VCP: variants seen among roughly 807,000 people sequenced by gnomAD.
VCP encodes the protein transitional endoplasmic reticulum ATPase.
VCP carries 6 observed loss-of-function variants against 85.7 expected under a neutral mutation model. That is an observed-to-expected ratio of 0.07 (90% CI 0.04 to 0.14). The LOEUF (loss-of-function observed/expected upper bound fraction) is 0.14. Ranked by LOEUF, VCP falls within the 10% of genes least tolerant of loss-of-function variation. The pLI is 1.00. For missense variants in VCP, 353 were observed against 1,043.4 expected, an observed-to-expected ratio of 0.34 and a Z score of 9.12; for synonymous variants, 384 against 367.1, an observed-to-expected ratio of 1.05 and a Z score of -0.53.
At chr9:35,071,875 CA>C in intron 1 of VCP, 16 of 995,224 alleles carry the variant, frequency 1.6e-5, no homozygotes, top group Non-Finnish European at 1.9e-5. Context: ...TCACATGGCG[CA>C]AAGTCCACGC....
Position 35,059,316 on chromosome 9 carries a change from C to T in VCP, c.2005-97G>A. The T allele has an allele frequency of 6.4e-7, 1 of 1,570,750 alleles. No individual in the cohort carries two copies. Among genetic ancestry groups the T allele is most frequent in the South Asian group, 1.1e-5 (1 of 87,174 alleles). The stretch of plus-strand genomic sequence containing the variant: ...GAGCACTCCCAACTACAGTTTGCCC[C>T]TTCTTTGGCCACCCCATTTTATTCC... On this transcript the variant is annotated intron_variant, in intron 14 of 16. Coordinates refer to ENST00000358901, the MANE Select transcript of VCP (RefSeq NM_007126.5). This position sits in a 1 kb window ranked among gnomAD's most constrained non-coding sequence, Gnocchi z 4.9.
intron 9 of VCP, 66 bp from the exon 10 acceptor site, chr9:35,061,755 G>T: frequency 6.9e-7 from 1 of 1,448,170 alleles, no homozygotes; most frequent in Non-Finnish European, 9.7e-7. Flanking sequence ...ACAGGCCTAG[G>T]GTGACCAACC....
At chr9:35,061,938 A>C (rs1828729094) in intron 9 of VCP, 65 bp downstream of exon 9, 1 of 1,612,986 alleles carries the variant, frequency 6.2e-7, no homozygotes, top group East Asian at 2.2e-5. Context: ...GGATTAGGTG[A>C]CTTAGATGAA....
In VCP at chr9:35,064,238, G is replaced by A. The variant is rs781273474; in HGVS notation, c.624C>T (p.Gly208=). ...TTATCTGAGCTAGCTGCTTCCTGCA[G>A]CCACCAATGTCATCATACCCTACTT... The part of the protein sequence containing the change: ...LNEVGYDDIG[G]CRKQLAQIKE... Residue 208 remains glycine, a synonymous_variant, in exon 6 of 17, where the codon GGC becomes GGT. Transcript: ENST00000358901. The A allele has an allele frequency of 6.8e-6, 11 of 1,614,068 alleles. No homozygotes were observed. Among genetic ancestry groups the A allele is most frequent in the Middle Eastern group, 1.6e-4 (1 of 6,082 alleles).
At chr9:35,058,647 G>C (rs1248116205) in intron 15 of VCP, among the ~76,000 whole-genome samples, 1 of 152,140 alleles carries the variant, frequency 6.6e-6, no homozygotes, top group Non-Finnish European at 1.5e-5. Context: ...TGTGCCTGTA[G>C]TCCCAGCTAC....
chr9:35,061,207 T>C (rs1234666583), intron 10 of VCP, 28 bp from the exon 11 acceptor site: 1 of 1,612,180 alleles, frequency 6.2e-7, no homozygotes, highest in Admixed American at 1.7e-5. Context: ...CTTACTATGC[T>C]GCCTCAAAGA....
rs1828634548 is a variant in VCP, at chr9:35,057,511, G to A, written c.2180C>T (p.Pro727Leu). The A allele has an allele frequency of 1.2e-6, 2 of 1,611,652 alleles. No individual in the cohort carries two copies. The highest frequency in any genetic ancestry group is 1.3e-5 in the African/African-American group (1 of 74,944). The change falls in exon 16 of 17, where the codon CCA becomes CTA. Residue 727 changes from proline to leucine, a missense_variant. This residue lies in a region of VCP where 93 missense variants were observed against 197.1 expected (regional missense o/e 0.47). Coordinates refer to ENST00000358901, the MANE Select transcript of VCP (RefSeq NM_007126.5). ...PSAMEVEEDD[P>L]VPEIRRDHFE... ...GTGATCTCGACGGATCTCAGGCACT[G>A]GATCATCCTCTTCTACCTCCTATAG...
intron 1 of VCP, chr9:35,071,876 A>C: frequency 1.0e-6 from 1 of 994,704 alleles, no homozygotes; most frequent in East Asian, 1.1e-4. Flanking sequence ...CACATGGCGC[A>C]AAGTCCACGC....
At chr9:35,058,589 C>T (rs1023247881) in intron 15 of VCP, among the ~76,000 whole-genome samples, 3 of 151,942 alleles carry the variant, frequency 2.0e-5, no homozygotes, top group Admixed American at 6.6e-5. Flanking sequence ...GGTGAAACCA[C>T]GTTTCTACTA....
Position 35,062,102 on chromosome 9 carries a change from A to G in VCP, c.982T>C (p.Leu328=), listed in dbSNP as rs1025521461. The G allele has an allele frequency of 2.5e-6, 4 of 1,614,160 alleles. No individual in the cohort carries two copies. The highest frequency in any genetic ancestry group is 2.2e-5 in the East Asian group (1 of 44,882). ...GEVERRIVSQ[L]LTLMDGLKQR... ...TTTAGGCCATCCATGAGGGTCAACA[A>G]CTGTGATACAATGCGCCGCTCCACC... Residue 328 remains leucine, a synonymous_variant, in exon 9 of 17, where the codon TTG becomes CTG. Transcript: ENST00000358901.
At position 35,059,505 on chromosome 9, in the gene VCP, G is replaced by C; in HGVS notation, c.1992C>G (p.Ser664=). 2 of 1,614,046 alleles carry C rather than the reference G, an allele frequency of 1.2e-6. No individual in the cohort carries two copies. The highest frequency in any genetic ancestry group is 1.7e-6 in the Non-Finnish European group (2 of 1,180,040). ...ATCTTGCACCTGCCTTGGCAACTGGGGACTTGCGCAGGTTAGCCTTGAGGA... is the reference window on the plus strand; with the variant it reads ...ATCTTGCACCTGCCTTGGCAACTGGCGACTTGCGCAGGTTAGCCTTGAGGA... The part of the protein sequence containing the change: ...VAILKANLRK[S]PVAKDVDLEF... The change falls in exon 14 of 17, where the codon TCC becomes TCG. Residue 664 remains serine (S), a synonymous_variant. Transcript: ENST00000358901. This position sits in a 1 kb window ranked among gnomAD's most constrained non-coding sequence, Gnocchi z 4.9.
chr9:35,057,917 A>C (rs1279840987), intron 15 of VCP: 2 of 337,528 alleles, frequency 5.9e-6, no homozygotes, highest in African/African-American at 4.3e-5. Context: ...TATTTATATC[A>C]TACCTTAATA....
Position 35,068,191 on chromosome 9 carries a change from C to T in VCP, c.129+60G>A, listed in dbSNP as rs1261821545. The T allele has an allele frequency of 3.7e-6, 6 of 1,608,094 alleles. No individual in the cohort carries two copies. The East Asian group carries it at 1.3e-4, about 36-fold the overall frequency. ...ACTGCAAGAAAAATGAGAAAAGAAA[C>T]CTGGGAAAATCCCTCAAGTAAGTGC... On this transcript the variant is annotated intron_variant, in intron 2 of 16. Coordinates refer to ENST00000358901, the MANE Select transcript of VCP (RefSeq NM_007126.5).
At chr9:35,058,381 T>G (rs56793340) in intron 15 of VCP, among the ~76,000 whole-genome samples, 3,839 of 152,300 alleles carry the variant, frequency 0.025, 153 homozygotes, top group African/African-American at 0.087. Flanking sequence ...TTTATGGAAC[T>G]TACAAACACA....
intron 3 of VCP, among the ~76,000 whole-genome samples, 162 bp from the exon 4 acceptor site, chr9:35,066,979 AG>A (rs987633342): frequency 6.6e-6 from 1 of 152,230 alleles, no homozygotes; most frequent in African/African-American, 2.4e-5. Flanking sequence ...GTGAGGGCGA[AG>A]GAACAGCCCC....
Position 35,072,392 on chromosome 9 carries a change from C to T in VCP, c.-39G>A. ...CCCGGCCGGCGGCTGTGGCGGCCCG[C>T]GGGTAACGGCTACGAGCGGTGGCAA... On this transcript the variant is annotated 5_prime_UTR_variant, in exon 1 of 17. Coordinates refer to ENST00000358901, the MANE Select transcript of VCP (RefSeq NM_007126.5). The T allele has an allele frequency of 1.4e-6, 2 of 1,472,782 alleles. No homozygotes were observed. The highest frequency in any genetic ancestry group is 1.8e-6 in the Non-Finnish European group (2 of 1,118,036). 91.2% of individuals were successfully genotyped at this position (1,472,782 alleles called of 1,614,324 possible).
At position 35,056,730 on chromosome 9, in the gene VCP, G is replaced by C; in HGVS notation, c.*387C>G. On this transcript the variant is annotated 3_prime_UTR_variant, in exon 17 of 17. Coordinates refer to ENST00000358901, the MANE Select transcript of VCP (RefSeq NM_007126.5). ...GGCCCCTACCCACCTACCCAGGTTG[G>C]ATAGGGGGAAGGGAGGGCTCGGGCA... 2 of 297,376 alleles carry C rather than the reference G, an allele frequency of 6.7e-6. No homozygotes were observed. The highest frequency in any genetic ancestry group is 1.3e-5 in the Non-Finnish European group (2 of 150,656). The allele number at this position is 297,376 out of a possible 1,614,324, so 18.4% of individuals were successfully genotyped here. A position where few individuals can be genotyped will look rare whatever the true frequency, so the allele number is the denominator to read the frequency against.
chr9:35,058,721 C>A (rs974998710), intron 15 of VCP, among the ~76,000 whole-genome samples: 1 of 152,062 alleles, frequency 6.6e-6, no homozygotes, highest in South Asian at 2.1e-4. Flanking sequence ...GAGCCAAGAT[C>A]GTGCCACTGC....
chr9:35,060,719 C>A (rs963777220), intron 12 of VCP, 82 bp downstream of exon 12: 12 of 1,611,312 alleles, frequency 7.4e-6, no homozygotes, highest in East Asian at 6.7e-5. Context: ...ACTCTTGCAG[C>A]AAATGTGTTG....
Sources: gnomAD v4.1 joint callset for allele counts (sites outside exome capture counted in the v4.1 genomes callset) on GRCh38, gnomAD v4.1.1 for gene constraint, gnomAD v4.1.1 regional missense constraint, Gnocchi (gnomAD v3.1) non-coding constraint, MANE v1.5 for transcripts, NCBI Gene and HGNC (gene_info 2026-07-23, HGNC 2026-07-21) for gene names.